The following XXYLT1 variants were observed in gnomAD, a reference collection of about 807,000 sequenced individuals.
XXYLT1 encodes the protein xyloside xylosyltransferase 1.
A neutral mutation model predicts 28.9 loss-of-function variants in XXYLT1; 20 were observed. The observed-to-expected ratio is 0.69, with a 90% CI of 0.49 to 1.00. XXYLT1 has a LOEUF of 1.00. Among genes scored for constraint, XXYLT1 ranks in the 50% least tolerant of loss-of-function variants. The probability of loss-of-function intolerance (pLI) is 0.00; values close to 1 mark genes in which losing one functional copy is unlikely to be tolerated. For missense variants in XXYLT1, 542 were observed against 560.1 expected (o/e 0.97, Z 0.33); for synonymous variants, 257 against 253.8 (o/e 1.01, Z -0.12).
intron 2 of XXYLT1, among the ~76,000 whole-genome samples, chr3:195,213,345 A>G (rs565370682): frequency 7.0e-4 from 106 of 150,356 alleles, no homozygotes; most frequent in African/African-American, 2.4e-3. Flanking sequence ...GCTCACCGCA[A>G]CCTCCACTTC....
intron 2 of XXYLT1, among the ~76,000 whole-genome samples, chr3:195,199,183 T>TAGAAA (rs57087044): frequency 6.6e-6 from 1 of 152,062 alleles, no homozygotes; most frequent in African/African-American, 2.4e-5. Flanking sequence ...TGGGCAGGGC[T>TAGAAA]AGGAGTCCAG....
At chr3:195,151,534 A>T (rs1219007916) in intron 3 of XXYLT1, among the ~76,000 whole-genome samples, 1 of 152,178 alleles carries the variant, frequency 6.6e-6, no homozygotes, top group Non-Finnish European at 1.5e-5. Context: ...TGTCTTTAAA[A>T]AATAAAAAAA....
At chr3:195,162,716 A>C (rs1720932353) in intron 2 of XXYLT1, among the ~76,000 whole-genome samples, 1 of 152,198 alleles carries the variant, frequency 6.6e-6, no homozygotes. Flanking sequence ...AAGAGGTATA[A>C]ATCATATCCT....
intron 2 of XXYLT1, among the ~76,000 whole-genome samples, chr3:195,159,700 C>T (rs1366998769): frequency 6.6e-6 from 1 of 152,142 alleles, no homozygotes; most frequent in East Asian, 1.9e-4. Flanking sequence ...GTCCAGGGGA[C>T]TATTTTCAGG....
At chr3:195,134,866 T>TGCGCGC (rs1553808191) in intron 3 of XXYLT1, among the ~76,000 whole-genome samples, 3 of 93,504 alleles carry the variant, frequency 3.2e-5, no homozygotes, top group African/African-American at 1.4e-4. Flanking sequence ...TGTGTGTGTG[T>TGCGCGC]GTGCGTGTGC....
chr3:195,081,217 C>G (rs201332092), intron 3 of XXYLT1, among the ~76,000 whole-genome samples: 1 of 125,612 alleles, frequency 8.0e-6, no homozygotes, highest in South Asian at 2.9e-4. Flanking sequence ...AAGAATCACA[C>G]TAAAAAAAAA....
chr3:195,248,360 G>A (rs1324719684), intron 1 of XXYLT1, among the ~76,000 whole-genome samples: 1 of 152,170 alleles, frequency 6.6e-6, no homozygotes, highest in Non-Finnish European at 1.5e-5. Context: ...GACTGGGCGG[G>A]AGGTAACTGA....
intron 3 of XXYLT1, among the ~76,000 whole-genome samples, chr3:195,113,477 C>A (rs76700182): frequency 0.033 from 5,009 of 152,222 alleles, 283 homozygotes; most frequent in African/African-American, 0.11. Context: ...TAGGGGGAAA[C>A]TGAGGCACAA....
In XXYLT1 at chr3:195,070,009, GT is replaced by G. The variant is rs1369921330; in HGVS notation, c.887del (p.Asn296ThrfsTer41). 6.2e-7 allele frequency: 1 copy of G among 1,605,518 alleles called. No homozygotes were observed. Among genetic ancestry groups the G allele is most frequent in the Non-Finnish European group, 8.5e-7 (1 of 1,179,780 alleles). On this transcript the variant is annotated frameshift_variant, in exon 4 of 4. Coordinates refer to ENST00000310380, the MANE Select transcript of XXYLT1 (RefSeq NM_152531.5). LOFTEE classifies it high-confidence loss of function. ...GCGGGGACTGGCGCATGGCCTCCAG[GT>G]TCAGCAACATCACCCCGCTGTTGAA... is the stretch of plus-strand genomic sequence containing the variant. ...PGFNSGVMLL[N>X]LEAMRQSPLY...
chr3:195,191,970 A>C (rs1001222105), intron 2 of XXYLT1, among the ~76,000 whole-genome samples: 2 of 152,256 alleles, frequency 1.3e-5, no homozygotes, highest in African/African-American at 4.8e-5. Context: ...GCAAGGATGC[A>C]GAAGACTCAA....
At chr3:195,106,043 T>G (rs531527707) in intron 3 of XXYLT1, among the ~76,000 whole-genome samples, 1 of 152,384 alleles carries the variant, frequency 6.6e-6, no homozygotes, top group African/African-American at 2.4e-5. Flanking sequence ...TAGGTATTGC[T>G]TCTTATGGAA....
chr3:195,148,802 C>T (rs1277458506), intron 3 of XXYLT1, among the ~76,000 whole-genome samples: 4 of 152,192 alleles, frequency 2.6e-5, no homozygotes, highest in African/African-American at 9.7e-5. Flanking sequence ...ACACTATGAG[C>T]TCATATAACT....
At chr3:195,235,945 C>T (rs562764743) in intron 1 of XXYLT1, among the ~76,000 whole-genome samples, 2 of 146,082 alleles carry the variant, frequency 1.4e-5, no homozygotes, top group South Asian at 4.2e-4. Context: ...TAGACATAGA[C>T]ATAGACATAG....
At chr3:195,163,834 G>A (rs1031196887) in intron 2 of XXYLT1, among the ~76,000 whole-genome samples, 1 of 152,256 alleles carries the variant, frequency 6.6e-6, no homozygotes, top group South Asian at 2.1e-4. Flanking sequence ...ACCTCATGGT[G>A]CAAGACAGGG....
rs576744872 is a variant in XXYLT1, at chr3:195,128,851, C to T, written c.785+27598G>A. Reference sequence around the variant, plus strand: ...TTCTGTCTCTTCAAATCTTAAAACACTGGTACACAATAAATATTTGCTGTG... The same window carrying T: ...TTCTGTCTCTTCAAATCTTAAAACATTGGTACACAATAAATATTTGCTGTG... On this transcript the variant is annotated intron_variant, in intron 3 of 3. Transcript: ENST00000310380. Among the ~76,000 whole-genome samples, 6 of 152,304 alleles carry T rather than the reference C, an allele frequency of 3.9e-5. No individual in the cohort carries two copies. In the East Asian group the frequency reaches 7.7e-4, roughly 20 times the overall value.
At chr3:195,166,665 A>G (rs1048841775) in intron 2 of XXYLT1, among the ~76,000 whole-genome samples, 2 of 151,562 alleles carry the variant, frequency 1.3e-5, no homozygotes, top group Non-Finnish European at 2.9e-5. Flanking sequence ...TTTGGGGAAT[A>G]TGGGCCATTT....
chr3:195,148,414 T>C (rs1719988336), intron 3 of XXYLT1, among the ~76,000 whole-genome samples: 1 of 151,836 alleles, frequency 6.6e-6, no homozygotes, highest in Non-Finnish European at 1.5e-5. Flanking sequence ...GATTTAACTC[T>C]GATAGAAACT....
chr3:195,096,404 C>A (rs1054824740), intron 3 of XXYLT1, among the ~76,000 whole-genome samples: 5 of 152,208 alleles, frequency 3.3e-5, no homozygotes, highest in African/African-American at 1.2e-4. Context: ...GCGTCCCCAA[C>A]ACACACACGT....
chr3:195,223,913 T>G (rs1723934852), intron 2 of XXYLT1, among the ~76,000 whole-genome samples: 1 of 152,140 alleles, frequency 6.6e-6, no homozygotes, highest in South Asian at 2.1e-4. Flanking sequence ...TCCCAGCACT[T>G]TGGGAGGCCG....
Sources: allele counts gnomAD v4.1 joint callset (sites outside exome capture counted in the v4.1 genomes callset), GRCh38; gene constraint gnomAD v4.1.1; transcripts MANE v1.5; gene names NCBI Gene and HGNC (gene_info 2026-07-23, HGNC 2026-07-21).